The following HSD17B14 variants were observed in gnomAD, a reference collection of about 807,000 sequenced individuals.
The protein encoded by HSD17B14 is hydroxysteroid 17-beta dehydrogenase 14, also known as L-fucose dehydrogenase.
Under a neutral mutation model 32.2 loss-of-function variants are expected in HSD17B14, and 32 were observed. That is an observed-to-expected ratio of 0.99 (90% CI 0.75 to 1.33). The LOEUF is 1.33. HSD17B14 is among the 40% of genes most tolerant of loss of function. HSD17B14 has a pLI of 0.00. For synonymous variants in HSD17B14, 140 were observed against 155.4 expected, an observed-to-expected ratio of 0.90 and a Z score of 0.74; for missense variants, 370 against 366.5, an observed-to-expected ratio of 1.01 and a Z score of -0.08.
At chr19:48,836,221 A>G in intron 1 of HSD17B14, 103 bp downstream of exon 1, 1 of 1,190,338 alleles carries the variant, frequency 8.4e-7, no homozygotes, top group South Asian at 1.3e-5. Context: ...TAATATCAGA[A>G]TCCTGGCTGC....
chr19:48,823,817 T>A (rs919488313), intron 5 of HSD17B14, among the ~76,000 whole-genome samples: 27 of 151,336 alleles, frequency 1.8e-4, no homozygotes, highest in African/African-American at 6.3e-4. Context: ...TTTTTTGTAT[T>A]TTCAGTAGAG....
intron 5 of HSD17B14, among the ~76,000 whole-genome samples, chr19:48,828,150 G>A (rs1013811862): frequency 2.0e-5 from 3 of 152,174 alleles, no homozygotes; most frequent in East Asian, 1.9e-4. Flanking sequence ...TGCCGCGCCC[G>A]GCCAAAGGCT....
intron 5 of HSD17B14, among the ~76,000 whole-genome samples, chr19:48,818,841 C>T (rs931281075): frequency 2.0e-5 from 3 of 152,072 alleles, no homozygotes; most frequent in African/African-American, 7.2e-5. Context: ...TTCTTAAGTG[C>T]CAAGGTTCTG....
chr19:48,829,161 T>G (rs2035296238), intron 5 of HSD17B14, among the ~76,000 whole-genome samples: 1 of 152,092 alleles, frequency 6.6e-6, no homozygotes, highest in African/African-American at 2.4e-5. Flanking sequence ...TAAAAAAGTT[T>G]GTTTTCTTTC....
chr19:48,820,194 C>T (rs2035122464), intron 5 of HSD17B14, among the ~76,000 whole-genome samples: 1 of 152,074 alleles, frequency 6.6e-6, no homozygotes, highest in Non-Finnish European at 1.5e-5. Context: ...TTGCCTGAGG[C>T]TGGGTGCAGT....
chr19:48,821,013 A>ATTTT (rs550582834), intron 5 of HSD17B14, among the ~76,000 whole-genome samples: 1 of 123,838 alleles, frequency 8.1e-6, no homozygotes, highest in Non-Finnish European at 1.7e-5. Context: ...GGATGGATAG[A>ATTTT]TTTTTTTTTT....
chr19:48,815,142 C>G lies in HSD17B14; in HGVS notation c.370-1G>C. On this transcript the variant is annotated splice_acceptor_variant, in intron 5 of 8. Coordinates refer to ENST00000263278, the MANE Select transcript of HSD17B14 (RefSeq NM_016246.3). LOFTEE classifies it high-confidence loss of function. ...TCTTCCGCAGGTAGGGGAGGGCGAG[C>G]TAGGGAGACAAGAGGCCAAGTAAGC... 1 of 1,612,650 alleles carries G rather than the reference C, an allele frequency of 6.2e-7. No individual in the cohort carries two copies. The highest frequency in any genetic ancestry group is 1.1e-5 in the South Asian group (1 of 91,068).
chr19:48,835,546 AGG>A (rs1327668013), intron 2 of HSD17B14, among the ~76,000 whole-genome samples: 1 of 134,418 alleles, frequency 7.4e-6, no homozygotes, highest in African/African-American at 2.9e-5. Flanking sequence ...GGTCTGAGGG[AGG>A]AGGTGCCGGA....
chr19:48,822,329 ATGG>A (rs1205907419), intron 5 of HSD17B14, among the ~76,000 whole-genome samples: 36 of 142,644 alleles, frequency 2.5e-4, no homozygotes, highest in Middle Eastern at 4.2e-3. Flanking sequence ...AATGATGGTG[ATGG>A]TGATGATGGT....
At chr19:48,835,754 T>C (rs1277244127) in intron 2 of HSD17B14, 51 bp downstream of exon 2, 1 of 1,597,634 alleles carries the variant, frequency 6.3e-7, no homozygotes, top group Non-Finnish European at 8.6e-7. Flanking sequence ...TCTGGACCTC[T>C]GGGTCTGAGG....
At chr19:48,824,744 G>A (rs1381719950) in intron 5 of HSD17B14, among the ~76,000 whole-genome samples, 1 of 145,336 alleles carries the variant, frequency 6.9e-6, no homozygotes, top group Non-Finnish European at 1.5e-5. Flanking sequence ...CCAGCCTGGC[G>A]ACAGAGCAAG....
chr19:48,818,241 G>A (rs2035088233), intron 5 of HSD17B14, among the ~76,000 whole-genome samples: 3 of 150,720 alleles, frequency 2.0e-5, no homozygotes, highest in African/African-American at 7.3e-5. Context: ...ATCCCGGGAG[G>A]CAGAGGTTGC....
At chr19:48,813,374 G>A in intron 8 of HSD17B14, 26 bp from the exon 9 acceptor site, 7 of 1,558,504 alleles carry the variant, frequency 4.5e-6, no homozygotes, top group Non-Finnish European at 6.1e-6. Flanking sequence ...GGGGGAAGGA[G>A]GTCAAGAGGA....
rs2035515252 is a variant in HSD17B14, at chr19:48,836,338, A to C, written c.74T>G (p.Ile25Ser). 6.2e-7 allele frequency: 1 copy of C among 1,613,030 alleles called. No homozygotes were observed. The highest frequency in any genetic ancestry group is 1.3e-5 in the African/African-American group (1 of 74,644). ...TGGGRGIGAG[I>S]VRAFVNSGAR... is the part of the protein sequence containing the mutation. The stretch of plus-strand genomic sequence containing the variant: ...ACCCGGCTCACCGAAGGCGCGCACG[A>C]TCCCAGCTCCGATGCCGCGCCCGCC... Residue 25 changes from isoleucine (I) to serine (S), a missense_variant, in exon 1 of 9, where the codon ATC becomes AGC. By Grantham distance (142) the Ile-to-Ser change is moderately radical. Coordinates refer to ENST00000263278, the MANE Select transcript of HSD17B14 (RefSeq NM_016246.3).
At position 48,813,653 on chromosome 19, in the gene HSD17B14, A is replaced by G. The variant is rs776027257; in HGVS notation, c.542+10T>C. ...CCCAGGAGGCTCTCCGCCTGCTCAG[A>G]GCAGCTCACCAGTTGACTCGGACAC... On this transcript the variant is annotated intron_variant, in intron 7 of 8. Coordinates refer to ENST00000263278, the MANE Select transcript of HSD17B14 (RefSeq NM_016246.3). 1.2e-6 allele frequency: 2 copies of G among 1,614,006 alleles called. No homozygotes were observed. The highest frequency in any genetic ancestry group is 3.3e-5 in the Admixed American group (2 of 59,998).
chr19:48,832,239 C>A (rs1253490145), intron 4 of HSD17B14, among the ~76,000 whole-genome samples: 1 of 148,346 alleles, frequency 6.7e-6, no homozygotes, highest in Non-Finnish European at 1.5e-5. Flanking sequence ...ATTAGCCTGG[C>A]GTGCTGGTGG....
At position 48,834,269 on chromosome 19, in the gene HSD17B14, G is replaced by C. The variant is rs767069788; in HGVS notation, c.210+7C>G. 1.4e-5 allele frequency: 23 copies of C among 1,611,786 alleles called. No homozygotes were observed. The highest frequency in any genetic ancestry group is 1.9e-5 in the Non-Finnish European group (22 of 1,178,156). The stretch of plus-strand genomic sequence containing the variant: ...GAGATGGGGGTAGGAACAGGAACTC[G>C]GCTTACCTTCACATCATCTTCCTGA... On this transcript the variant is annotated splice_region_variant and intron_variant, in intron 3 of 8. Coordinates refer to ENST00000263278, the MANE Select transcript of HSD17B14 (RefSeq NM_016246.3).
intron 5 of HSD17B14, among the ~76,000 whole-genome samples, chr19:48,825,297 G>A (rs2035226392): frequency 6.6e-6 from 1 of 151,180 alleles, no homozygotes; most frequent in South Asian, 2.1e-4. Flanking sequence ...GGAGTCAACG[G>A]GTAGAGCAAG....
chr19:48,814,193 TAA>T (rs1555775573), intron 6 of HSD17B14, among the ~76,000 whole-genome samples: 74 of 82,688 alleles, frequency 8.9e-4, no homozygotes, highest in Non-Finnish European at 1.4e-3. Flanking sequence ...AGACCCTATC[TAA>T]AAAAAAAAAG....
Sources: allele counts gnomAD v4.1 joint callset (sites outside exome capture counted in the v4.1 genomes callset), GRCh38; gene constraint gnomAD v4.1.1; transcripts MANE v1.5; gene names NCBI Gene and HGNC (gene_info 2026-07-23, HGNC 2026-07-21).